The following CAMTA1 variants were observed in gnomAD, a reference collection of about 807,000 sequenced individuals.
CAMTA1 encodes calmodulin binding transcription activator 1.
A neutral mutation model predicts 170.9 loss-of-function variants in CAMTA1; 27 were observed. The ratio of observed to expected loss-of-function variants is 0.16; its 90% CI spans 0.12 to 0.22. CAMTA1 has a LOEUF of 0.22. Among genes scored for constraint, CAMTA1 ranks in the 10% least tolerant of loss-of-function variants. The pLI, the probability that CAMTA1 is intolerant of heterozygous loss-of-function variation, is 1.00. For missense variants in CAMTA1, 1,619 were observed against 2,217.2 expected (o/e 0.73, Z 5.42); for synonymous variants, 833 against 891.5 (o/e 0.93, Z 1.17).
intron 3 of CAMTA1, among the ~76,000 whole-genome samples, chr1:6,846,499 G>C (rs1335927574): frequency 1.3e-5 from 2 of 152,144 alleles, no homozygotes; most frequent in Non-Finnish European, 1.5e-5. Flanking sequence ...TGGATATGAA[G>C]GTTTTTTAAA....
intron 5 of CAMTA1, among the ~76,000 whole-genome samples, chr1:7,285,857 C>T (rs1672272050): frequency 6.6e-6 from 1 of 152,170 alleles, no homozygotes; most frequent in Admixed American, 6.5e-5. Flanking sequence ...GCTGAAATCC[C>T]CACCTCAAAA....
At chr1:7,675,547 T>C (rs1168630187) in intron 10 of CAMTA1, among the ~76,000 whole-genome samples, 1 of 152,180 alleles carries the variant, frequency 6.6e-6, no homozygotes, top group African/African-American at 2.4e-5. Flanking sequence ...AAGGGCTCCC[T>C]TGGGCACCAC....
chr1:7,423,330 C>A (rs1000948903), intron 5 of CAMTA1, among the ~76,000 whole-genome samples: 1 of 152,080 alleles, frequency 6.6e-6, no homozygotes, highest in Non-Finnish European at 1.5e-5. Flanking sequence ...ATTAGCAGGG[C>A]TTGGTGGTGG....
chr1:7,148,806 C>T (rs1171256529), intron 4 of CAMTA1, among the ~76,000 whole-genome samples: 1 of 152,254 alleles, frequency 6.6e-6, no homozygotes, highest in African/African-American at 2.4e-5. Context: ...GCACTGACTG[C>T]CAGTGGGCAA....
At chr1:6,920,858 A>G (rs941607756) in intron 3 of CAMTA1, among the ~76,000 whole-genome samples, 61 of 152,292 alleles carry the variant, frequency 4.0e-4, no homozygotes, top group African/African-American at 1.2e-3. Flanking sequence ...TGGGCTGCAC[A>G]CTGCACGGGA....
At chr1:7,060,659 G>A (rs1382984223) in intron 3 of CAMTA1, among the ~76,000 whole-genome samples, 1 of 152,182 alleles carries the variant, frequency 6.6e-6, no homozygotes, top group East Asian at 1.9e-4. Context: ...GCCAGTGCAG[G>A]CGCCCCTGAG....
intron 6 of CAMTA1, among the ~76,000 whole-genome samples, chr1:7,603,987 C>T (rs11588879): frequency 0.13 from 20,381 of 152,070 alleles, 1,461 homozygotes; most frequent in African/African-American, 0.15. Context: ...AAATTCTTTT[C>T]TTCAAGAATG....
At chr1:7,471,731 G>A (rs146684766) in intron 6 of CAMTA1, among the ~76,000 whole-genome samples, 304 of 152,368 alleles carry the variant, frequency 2.0e-3, no homozygotes, top group African/African-American at 7.1e-3. Context: ...GCCTCGTGAG[G>A]TAGAGGAGGC....
rs552921442 is a variant in CAMTA1, at chr1:7,443,894, A to C, written c.439-23936A>C. The stretch of plus-strand genomic sequence containing the variant: ...AGGGAGGAGGCACAGCCTCTCACCC[A>C]TGCCTCTGCCTGGACACAGGACCAG... On this transcript the variant is annotated intron_variant, in intron 5 of 22. Coordinates refer to ENST00000303635, the MANE Select transcript of CAMTA1 (RefSeq NM_015215.4). The surrounding 1 kb of genome is among the most constrained non-coding windows in gnomAD (Gnocchi z 4.1). Among the ~76,000 whole-genome samples the C allele has an allele frequency of 1.3e-4, 20 of 152,268 alleles. No homozygotes were observed. Among genetic ancestry groups the C allele is most frequent in the Middle Eastern group, 6.8e-3 (2 of 294 alleles).
intron 3 of CAMTA1, among the ~76,000 whole-genome samples, chr1:6,891,394 A>G (rs920979551): frequency 2.6e-5 from 4 of 152,152 alleles, no homozygotes; most frequent in African/African-American, 4.8e-5. Flanking sequence ...CCTGAATTCC[A>G]TTGTAGATGT....
intron 3 of CAMTA1, among the ~76,000 whole-genome samples, chr1:7,025,973 A>T (rs1259665764): frequency 6.6e-6 from 1 of 152,060 alleles, no homozygotes; most frequent in Non-Finnish European, 1.5e-5. Flanking sequence ...TACAAAAGTT[A>T]GCTGAGTGTG....
chr1:7,294,068 C>CT (rs748852853), intron 5 of CAMTA1, among the ~76,000 whole-genome samples: 4 of 152,170 alleles, frequency 2.6e-5, no homozygotes, highest in African/African-American at 7.2e-5. Flanking sequence ...GTTAGTTGAT[C>CT]CTGGTGCCCT....
intron 4 of CAMTA1, among the ~76,000 whole-genome samples, chr1:7,107,111 C>T (rs1643663278): frequency 6.6e-6 from 1 of 152,102 alleles, no homozygotes; most frequent in South Asian, 2.1e-4. Flanking sequence ...GTGCCTGCTG[C>T]GTGCATAGGT....
At chr1:7,099,103 C>T (rs1642424668) in intron 4 of CAMTA1, among the ~76,000 whole-genome samples, 2 of 152,078 alleles carry the variant, frequency 1.3e-5, no homozygotes, top group African/African-American at 4.8e-5. Context: ...GGCTGGAGTG[C>T]AATCGTGTGA....
chr1:6,999,925 C>T (rs530906846), intron 3 of CAMTA1, among the ~76,000 whole-genome samples: 22 of 152,280 alleles, frequency 1.4e-4, no homozygotes, highest in African/African-American at 5.1e-4. Flanking sequence ...CCAACCTGAC[C>T]CTGACAGGTT....
chr1:6,792,129 C>A (rs1027986175), intron 1 of CAMTA1, among the ~76,000 whole-genome samples: 1 of 151,598 alleles, frequency 6.6e-6, no homozygotes, highest in Non-Finnish European at 1.5e-5. Context: ...AATTTTTTTT[C>A]GTATTTTTAG....
chr1:7,258,482 G>A (rs1438067986), intron 5 of CAMTA1, among the ~76,000 whole-genome samples: 9 of 152,172 alleles, frequency 5.9e-5, no homozygotes, highest in Non-Finnish European at 7.4e-5. Flanking sequence ...TACCACTGTC[G>A]AAATTCACCA....
intron 5 of CAMTA1, among the ~76,000 whole-genome samples, chr1:7,283,756 T>C (rs1671843437): frequency 6.6e-6 from 1 of 152,166 alleles, no homozygotes; most frequent in Non-Finnish European, 1.5e-5. Context: ...AGCTGTAAAA[T>C]CCAACCTTTT....
At chr1:7,135,152 C>T (rs911002554) in intron 4 of CAMTA1, among the ~76,000 whole-genome samples, 3 of 152,070 alleles carry the variant, frequency 2.0e-5, no homozygotes, top group African/African-American at 4.8e-5. Context: ...TTTGGGAGGC[C>T]GGGGCAGGCG....
Sources: gnomAD v4.1 joint callset for allele counts (sites outside exome capture counted in the v4.1 genomes callset) on GRCh38, gnomAD v4.1.1 for gene constraint, Gnocchi (gnomAD v3.1) non-coding constraint, MANE v1.5 for transcripts, NCBI Gene and HGNC (gene_info 2026-07-23, HGNC 2026-07-21) for gene names.